The following RTN3 variants were observed in gnomAD, a reference collection of about 807,000 sequenced individuals.
RTN3 encodes the protein reticulon 3, also known as reticulon-3.
Under a neutral mutation model 77.8 loss-of-function variants are expected in RTN3, and 49 were observed. The observed-to-expected ratio is 0.63, with a 90% confidence interval of 0.50 to 0.80. The LOEUF (loss-of-function observed/expected upper bound fraction) is 0.80. Among genes scored for constraint, RTN3 ranks in the 30% least tolerant of loss-of-function variants. The pLI is 0.00. For synonymous variants in RTN3, 464 were observed against 446.9 expected (o/e 1.04, Z -0.48); for missense variants, 1,236 against 1,211.9 (o/e 1.02, Z -0.29).
At chr11:63,727,994 A>G (rs965303925) in intron 3 of RTN3, among the ~76,000 whole-genome samples, 4 of 152,158 alleles carry the variant, frequency 2.6e-5, no homozygotes, top group Non-Finnish European at 5.9e-5. Flanking sequence ...CAAGATAACC[A>G]TCAGGGCCAG....
At chr11:63,749,891 G>T (rs867631175) in intron 3 of RTN3, 100 bp from the exon 4 acceptor site, 2 of 830,170 alleles carry the variant, frequency 2.4e-6, no homozygotes, top group Non-Finnish European at 3.9e-6. Context: ...TTAAAGTGGG[G>T]CATACCTGTA....
At chr11:63,737,122 C>G (rs543866163) in intron 3 of RTN3, among the ~76,000 whole-genome samples, 479 of 152,180 alleles carry the variant, frequency 3.1e-3, no homozygotes, top group African/African-American at 0.011. Flanking sequence ...GTATACGCCG[C>G]CATGCCCAGC....
intron 1 of RTN3, among the ~76,000 whole-genome samples, chr11:63,694,858 A>G (rs542693907): frequency 5.3e-5 from 8 of 152,316 alleles, no homozygotes; most frequent in African/African-American, 1.7e-4. Flanking sequence ...CTTAGATTGC[A>G]TATGCATTTA....
At chr11:63,723,137 G>A (rs901535389) in intron 3 of RTN3, among the ~76,000 whole-genome samples, 7 of 152,142 alleles carry the variant, frequency 4.6e-5, no homozygotes, top group African/African-American at 1.4e-4. Context: ...TTAATCTAGC[G>A]TGAGAGATGT....
intron 3 of RTN3, among the ~76,000 whole-genome samples, chr11:63,724,822 A>C (rs75742400): frequency 0.01 from 1,548 of 152,178 alleles, 13 homozygotes; most frequent in Non-Finnish European, 0.015. Flanking sequence ...ATGTGCAAAA[A>C]TAACTACACA....
At chr11:63,693,573 T>C (rs1170741454) in intron 1 of RTN3, among the ~76,000 whole-genome samples, 1 of 152,246 alleles carries the variant, frequency 6.6e-6, no homozygotes, top group Non-Finnish European at 1.5e-5. Context: ...CATTTGGTTT[T>C]TGAAAGTCAA....
chr11:63,717,237 G>C (rs1345962541), intron 2 of RTN3, among the ~76,000 whole-genome samples: 1 of 152,050 alleles, frequency 6.6e-6, no homozygotes, highest in African/African-American at 2.4e-5. Context: ...CTTTTCCCCA[G>C]TAAAAATTTG....
intron 1 of RTN3, among the ~76,000 whole-genome samples, chr11:63,691,114 CTTTTTTT>C (rs796809025): frequency 2.0e-4 from 18 of 91,902 alleles, no homozygotes; most frequent in South Asian, 7.9e-4. Flanking sequence ...ATTGCTAATT[CTTTTTTT>C]TTTTTTTTTT....
In RTN3 at chr11:63,756,170, A is replaced by T; in HGVS notation, c.3053A>T (p.Lys1018Met). 6.2e-7 allele frequency: 1 copy of T among 1,607,908 alleles called. No homozygotes were observed. Among genetic ancestry groups the T allele is most frequent in the Non-Finnish European group, 8.5e-7 (1 of 1,174,324 alleles). The change falls in exon 8 of 9, where the codon AAG becomes ATG. Residue 1018 changes from lysine to methionine, a missense_variant and splice_region_variant. Lys to Met is a moderately conservative substitution (Grantham distance 95, BLOSUM62 -1). Transcript: ENST00000377819. ...GATCAGACCAAGTCAATTGTTGAAAAGTAAGTACATTTAGAGACCACATCA... is the reference window on the plus strand; with the variant it reads ...GATCAGACCAAGTCAATTGTTGAAATGTAAGTACATTTAGAGACCACATCA... Reference protein sequence around the residue: ...ARDQTKSIVEKIQAKLPGIAK... With the variant: ...ARDQTKSIVEMIQAKLPGIAK...
rs763434554 is a variant in RTN3, at chr11:63,718,974, A to G, written c.472A>G (p.Ile158Val). ...AGGAGTTCATTGTGACCGTCCTTCT[A>G]TTCCAGCCAGTTTCCCAGAGCATCC... ...AAGVHCDRPSIPASFPEHPAF... is the reference protein window; with the variant it reads ...AAGVHCDRPSVPASFPEHPAF... Residue 158 changes from isoleucine to valine, a missense_variant, in exon 3 of 9, where the codon ATT becomes GTT. Ile to Val is a conservative substitution (Grantham distance 29). This residue lies in a region of RTN3 where 1,056 missense variants were observed against 990.4 expected (regional missense o/e 1.07). Transcript: ENST00000377819. The G allele has an allele frequency of 6.2e-7, 1 of 1,614,076 alleles. No homozygotes were observed.
intron 1 of RTN3, among the ~76,000 whole-genome samples, chr11:63,684,597 C>T (rs1941267322): frequency 6.6e-6 from 1 of 151,582 alleles, no homozygotes; most frequent in South Asian, 2.1e-4. Flanking sequence ...CCAGCTTTAC[C>T]CATTATTTCT....
rs142622820 is a variant in RTN3 at position 63,685,133 on chromosome 11, T to G, written c.142+3355T>G. On this transcript the variant is annotated intron_variant, in intron 1 of 8. Transcript: ENST00000377819. ...TTGTCTAAAAAGCACTAATACAGTT[T>G]TGGTGGGCCCAATGCAAGATCCTCA... Among the ~76,000 whole-genome samples the G allele has an allele frequency of 9.8e-5, 15 of 152,286 alleles. No individual in the cohort carries two copies. The East Asian group carries it at 2.9e-3, about 29-fold the overall frequency.
At chr11:63,724,012 T>A (rs1196781152) in intron 3 of RTN3, among the ~76,000 whole-genome samples, 1 of 152,058 alleles carries the variant, frequency 6.6e-6, no homozygotes, top group Admixed American at 6.6e-5. Flanking sequence ...CCTAGTGTAG[T>A]GAAGATAGTT....
At position 63,758,693 on chromosome 11, in the gene RTN3, C is replaced by T. The variant is rs543041295; in HGVS notation, c.*492C>T. 2.9e-5 allele frequency: 8 copies of T among 276,470 alleles called. No individual in the cohort carries two copies. The highest frequency in any genetic ancestry group is 1.7e-4 in the African/African-American group (8 of 45,868). 17.1% of individuals were successfully genotyped at this position (276,470 alleles called of 1,614,324 possible). ...GCCCTCAAATCCTATCTTCCTGCCC[C>T]ACAATGTGAGCAGCTACCCCTGATA... On this transcript the variant is annotated 3_prime_UTR_variant, in exon 9 of 9. Coordinates refer to ENST00000377819, the MANE Select transcript of RTN3 (RefSeq NM_001265589.2).
rs1000091075 is a variant in RTN3, at chr11:63,748,200, C to T, written c.2531-1791C>T. Among the ~76,000 whole-genome samples, 34 of 150,518 alleles carry T rather than the reference C, an allele frequency of 2.3e-4. 1 individual carries two copies. Among genetic ancestry groups the T allele is most frequent in the Admixed American group, 1.5e-3 (22 of 14,884 alleles). On this transcript the variant is annotated intron_variant, in intron 3 of 8. Coordinates refer to ENST00000377819, the MANE Select transcript of RTN3 (RefSeq NM_001265589.2). ...TCACTGCTAGATTGGAGGTGATTGC[C>T]GGCACCTGCCACTCAGAGAGTTGGA...
intron 4 of RTN3, among the ~76,000 whole-genome samples, chr11:63,751,886 G>C (rs753174059): frequency 3.9e-5 from 6 of 152,070 alleles, no homozygotes; most frequent in Non-Finnish European, 8.8e-5. Flanking sequence ...CAGCTATTCA[G>C]GAGGCTGAGG....
rs113639643 is a variant in RTN3 at position 63,685,331 on chromosome 11, C to G, written c.142+3553C>G. Among the ~76,000 whole-genome samples the G allele has an allele frequency of 5.7e-3, 864 of 151,376 alleles. 3 individuals are homozygous for G. Among genetic ancestry groups the G allele is most frequent in the Middle Eastern group, 0.014 (4 of 294 alleles). The stretch of plus-strand genomic sequence containing the variant: ...ACAACATGGTGGAACCCTGTCTCTA[C>G]TAAAAAATACAAAAATTAGCCGGGC... On this transcript the variant is annotated intron_variant, in intron 1 of 8. Transcript: ENST00000377819.
intron 1 of RTN3, among the ~76,000 whole-genome samples, chr11:63,702,648 CTT>C (rs377101820): frequency 6.9e-6 from 1 of 144,180 alleles, no homozygotes; most frequent in African/African-American, 2.6e-5. Context: ...GAGCACACTG[CTT>C]TTTAAGCACA....
chr11:63,746,520 GTT>G (rs140379673), intron 3 of RTN3, among the ~76,000 whole-genome samples: 1 of 143,222 alleles, frequency 7.0e-6, no homozygotes. Flanking sequence ...TTTGTTTTTT[GTT>G]TTTTTTTTTT....
Sources: allele counts gnomAD v4.1 joint callset (sites outside exome capture counted in the v4.1 genomes callset), GRCh38; gene constraint gnomAD v4.1.1; regional missense constraint gnomAD v4.1.1; transcripts MANE v1.5; gene names NCBI Gene and HGNC (gene_info 2026-07-23, HGNC 2026-07-21).